QRFPR: variants seen among roughly 807,000 people sequenced by gnomAD.
QRFPR encodes the protein pyroglutamylated RFamide peptide receptor, also known as pyroglutamylated RF-amide peptide receptor.
A neutral mutation model predicts 31.3 loss-of-function variants in QRFPR; 37 were observed. The observed-to-expected ratio is 1.18, with a 90% CI of 0.91 to 1.56. The LOEUF is 1.56. Ranked by LOEUF, QRFPR falls within the 40% of genes most tolerant of loss-of-function variation. QRFPR has a pLI of 0.00. For synonymous variants in QRFPR, 197 were observed against 192.0 expected (o/e 1.03, Z -0.22); for missense variants, 542 against 532.5 (o/e 1.02, Z -0.18).
rs974581663 is a variant in QRFPR, at chr4:121,329,025, A to T, written c.*289T>A. On this transcript the variant is annotated 3_prime_UTR_variant, in exon 6 of 6. Coordinates refer to ENST00000394427, the MANE Select transcript of QRFPR (RefSeq NM_198179.3). ...CGTCTAGGCCTCCCAAAGTGCTGGGATTACAGGCATGAGCCACCGTGCCTG... is the reference window on the plus strand; with the variant it reads ...CGTCTAGGCCTCCCAAAGTGCTGGGTTTACAGGCATGAGCCACCGTGCCTG... The T allele has an allele frequency of 4.3e-6, 1 of 230,712 alleles. No individual in the cohort carries two copies. 14.3% of individuals were successfully genotyped at this position (230,712 alleles called of 1,614,324 possible). A position where few individuals can be genotyped will look rare whatever the true frequency, so the allele number is the denominator to read the frequency against.
chr4:121,370,703 A>T (rs970190230), intron 1 of QRFPR, among the ~76,000 whole-genome samples: 6 of 152,168 alleles, frequency 3.9e-5, no homozygotes, highest in Non-Finnish European at 8.8e-5. Flanking sequence ...CCCACAGGAA[A>T]TTTTTTTAAA....
chr4:121,374,362 C>G (rs1726312056), intron 1 of QRFPR, among the ~76,000 whole-genome samples: 2 of 152,176 alleles, frequency 1.3e-5, no homozygotes, highest in Non-Finnish European at 2.9e-5. Flanking sequence ...ATGGGGTAGG[C>G]ACTATACTTT....
chr4:121,343,635 A>G (rs1367628129), intron 1 of QRFPR, among the ~76,000 whole-genome samples: 1 of 152,058 alleles, frequency 6.6e-6, no homozygotes, highest in Non-Finnish European at 1.5e-5. Context: ...ATAAATTATT[A>G]ATCTGCATAT....
chr4:121,331,957 A>G (rs1725336628), intron 4 of QRFPR, among the ~76,000 whole-genome samples: 1 of 152,080 alleles, frequency 6.6e-6, no homozygotes, highest in Admixed American at 6.6e-5. Context: ...CTGGTCCATT[A>G]TCTCTTATTT....
chr4:121,373,007 G>C (rs1287148279), intron 1 of QRFPR, among the ~76,000 whole-genome samples: 1 of 152,108 alleles, frequency 6.6e-6, no homozygotes, highest in Non-Finnish European at 1.5e-5. Context: ...ATCCAGTTAT[G>C]CCTAAAACCA....
intron 1 of QRFPR, among the ~76,000 whole-genome samples, chr4:121,371,753 T>A (rs891553262): frequency 6.6e-6 from 1 of 152,182 alleles, no homozygotes; most frequent in African/African-American, 2.4e-5. Flanking sequence ...CTGAGTACCT[T>A]CCTATGGAAG....
intron 1 of QRFPR, among the ~76,000 whole-genome samples, chr4:121,372,285 A>G (rs1232647078): frequency 6.6e-6 from 1 of 152,182 alleles, no homozygotes; most frequent in East Asian, 1.9e-4. Context: ...GTGCGTGATT[A>G]GTTCTATGGG....
Position 121,330,524 on chromosome 4 carries a change from C to T in QRFPR, c.798-1G>A, listed in dbSNP as rs762025674. 1.7e-5 allele frequency: 28 copies of T among 1,612,168 alleles called. No individual in the cohort carries two copies. Among genetic ancestry groups the T allele is most frequent in the African/African-American group, 4.0e-5 (3 of 74,898 alleles). On this transcript the variant is annotated splice_acceptor_variant, in intron 4 of 5. Transcript: ENST00000394427. LOFTEE classifies it high-confidence loss of function. ...CATAATGACAGCTCGTTTCTTCTTC[C>T]TAAACCCACAAGGAAACATTGTATT... is the stretch of plus-strand genomic sequence containing the variant.
chr4:121,365,666 T>TA (rs1364817068), intron 1 of QRFPR, among the ~76,000 whole-genome samples: 1 of 29,516 alleles, frequency 3.4e-5, no homozygotes, highest in African/African-American at 1.9e-4. Context: ...TATATATATT[T>TA]TATATATTAT....
At chr4:121,377,855 A>G (rs1253232483) in intron 1 of QRFPR, among the ~76,000 whole-genome samples, 1 of 152,186 alleles carries the variant, frequency 6.6e-6, no homozygotes, top group Non-Finnish European at 1.5e-5. Flanking sequence ...ATAATAAATT[A>G]TGAATTAATT....
intron 1 of QRFPR, among the ~76,000 whole-genome samples, chr4:121,350,341 C>A (rs1019683690): frequency 6.6e-6 from 1 of 152,126 alleles, no homozygotes; most frequent in Non-Finnish European, 1.5e-5. Context: ...TTTGTTTAGT[C>A]CCCATATTAT....
chr4:121,329,341 C>A lies in QRFPR; in HGVS notation c.1269G>T (p.Glu423Asp). Reference sequence around the variant, plus strand: ...AATGCCCACTGTCTAAAGGAGAATTCTCAGCCAGTTCAGACCTAAAGAGAG... The same window carrying A: ...AATGCCCACTGTCTAAAGGAGAATTATCAGCCAGTTCAGACCTAAAGAGAG... ...HLALFRSELA[E>D]NSPLDSGH The change falls in exon 6 of 6, where the codon GAG becomes GAT. Residue 423 changes from glutamate (E) to aspartate (D), a missense_variant. By Grantham distance (45) the Glu-to-Asp change is conservative. Coordinates refer to ENST00000394427, the MANE Select transcript of QRFPR (RefSeq NM_198179.3). The A allele has an allele frequency of 6.2e-7, 1 of 1,613,222 alleles. No homozygotes were observed. The highest frequency in any genetic ancestry group is 8.5e-7 in the Non-Finnish European group (1 of 1,179,666).
rs944381276 is a variant in QRFPR at position 121,380,310 on chromosome 4, C to A, written c.338G>T (p.Gly113Val). The part of the protein sequence containing the change: ...MLQNISDNWL[G>V]GAFICKMVPF... ...AAGGAGCGGGGCGCGACTCTTACCCCCCAGCCAGTTGTCGGAAATGTTCTG... is the reference window on the plus strand; with the variant it reads ...AAGGAGCGGGGCGCGACTCTTACCCACCAGCCAGTTGTCGGAAATGTTCTG... Residue 113 changes from glycine to valine, a missense_variant and splice_region_variant, in exon 1 of 6, where the codon GGG becomes GTG. By Grantham distance (109) the Gly-to-Val change is moderately radical. Transcript: ENST00000394427. 6.2e-7 allele frequency: 1 copy of A among 1,610,938 alleles called. No homozygotes were observed. The highest frequency in any genetic ancestry group is 1.3e-5 in the African/African-American group (1 of 74,690).
rs959215093 is a variant in QRFPR, at chr4:121,329,023, G to C, written c.*291C>G. On this transcript the variant is annotated 3_prime_UTR_variant, in exon 6 of 6. Transcript: ENST00000394427. The stretch of plus-strand genomic sequence containing the variant: ...CCCGTCTAGGCCTCCCAAAGTGCTG[G>C]GATTACAGGCATGAGCCACCGTGCC... 4.5e-6 allele frequency: 1 copy of C among 223,496 alleles called. No individual in the cohort carries two copies. Among genetic ancestry groups the C allele is most frequent in the Non-Finnish European group, 8.7e-6 (1 of 115,238 alleles). The allele number at this position is 223,496 out of a possible 1,614,324, so 13.8% of individuals were successfully genotyped here.
At chr4:121,359,829 C>A (rs1051663132) in intron 1 of QRFPR, among the ~76,000 whole-genome samples, 26 of 149,536 alleles carry the variant, frequency 1.7e-4, no homozygotes, top group Non-Finnish European at 3.0e-4. Flanking sequence ...ATATATATAT[C>A]TCTCTCCTAT....
intron 1 of QRFPR, chr4:121,369,610 TC>T: frequency 6.2e-7 from 1 of 1,611,200 alleles, no homozygotes; most frequent in Non-Finnish European, 8.5e-7. Flanking sequence ...GCTTCTGGGC[TC>T]CTCGGTAGGC....
At chr4:121,362,485 T>C (rs1178419308) in intron 1 of QRFPR, among the ~76,000 whole-genome samples, 2 of 149,822 alleles carry the variant, frequency 1.3e-5, no homozygotes, top group Non-Finnish European at 3.0e-5. Flanking sequence ...TTCTAAAGTT[T>C]ATATGGAGAG....
At chr4:121,358,666 C>T (rs1400002795) in intron 1 of QRFPR, among the ~76,000 whole-genome samples, 1 of 152,118 alleles carries the variant, frequency 6.6e-6, no homozygotes, top group African/African-American at 2.4e-5. Context: ...CTCTCATAAA[C>T]TTGTGGTGTT....
chr4:121,365,664 T>TA (rs1342160605), intron 1 of QRFPR, among the ~76,000 whole-genome samples: 1 of 22,120 alleles, frequency 4.5e-5, no homozygotes, highest in African/African-American at 1.8e-4. Flanking sequence ...ATTATATATA[T>TA]TTTATATATT....
Sources: allele counts gnomAD v4.1 joint callset (sites outside exome capture counted in the v4.1 genomes callset), GRCh38; gene constraint gnomAD v4.1.1; transcripts MANE v1.5; gene names NCBI Gene and HGNC (gene_info 2026-07-23, HGNC 2026-07-21).